SPTSSA: variants seen among roughly 807,000 people sequenced by gnomAD.
SPTSSA encodes small subunit of serine palmitoyltransferase A.
In SPTSSA, 8 loss-of-function variants were observed where a neutral mutation model predicts 9.1. That is an observed-to-expected ratio of 0.88 (90% CI 0.51 to 1.58). SPTSSA has a LOEUF of 1.58. Among genes scored for constraint, SPTSSA ranks in the 40% most tolerant of loss-of-function variants. SPTSSA has a pLI of 0.00. For synonymous variants in SPTSSA, 42 were observed against 37.7 expected (o/e 1.11, Z -0.41); for missense variants, 100 against 93.8 (o/e 1.07, Z -0.27).
chr14:34,443,604 T>C (rs1255993173), intron 1 of SPTSSA, among the ~76,000 whole-genome samples: 7 of 147,786 alleles, frequency 4.7e-5, no homozygotes, highest in South Asian at 2.2e-4. Flanking sequence ...GGCACAGTCT[T>C]AGCTCACTGC....
intron 1 of SPTSSA, among the ~76,000 whole-genome samples, chr14:34,435,644 T>TTTG (rs1883230244): frequency 6.7e-6 from 1 of 148,558 alleles, no homozygotes; most frequent in Non-Finnish European, 1.5e-5. Context: ...TTTTTTTTTT[T>TTTG]TGAGACAGAG....
chr14:34,439,258 G>A (rs1883283859), intron 1 of SPTSSA, among the ~76,000 whole-genome samples: 1 of 152,098 alleles, frequency 6.6e-6, no homozygotes, highest in South Asian at 2.1e-4. Context: ...AGGCTGCTTG[G>A]CAGAGGACAA....
chr14:34,448,298 C>A (rs72673421), intron 1 of SPTSSA, among the ~76,000 whole-genome samples: 313 of 152,032 alleles, frequency 2.1e-3, no homozygotes, highest in Non-Finnish European at 3.4e-3. Context: ...CAGAGCAGGG[C>A]GAGAGTTCCA....
chr14:34,443,679 G>GCA lies in SPTSSA; in HGVS notation c.113-8376_113-8375insTG, dbSNP rs1491351466. Among the ~76,000 whole-genome samples, 6 of 152,074 alleles carry GCA rather than the reference G, an allele frequency of 3.9e-5. No homozygotes were observed. The East Asian group carries it at 5.8e-4, about 15-fold the overall frequency. ...GCCCCCCAAGTAGCTGGGATTACAGGTGCCCGCCACCACACCCAGGTAATT... is the reference window on the plus strand; with the variant it reads ...GCCCCCCAAGTAGCTGGGATTACAGGCATGCCCGCCACCACACCCAGGTAATT... On this transcript the variant is annotated intron_variant, in intron 1 of 1. Transcript: ENST00000298130.
Position 34,433,215 on chromosome 14 carries a change from A to C in SPTSSA, c.*1986T>G, listed in dbSNP as rs898292027. On this transcript the variant is annotated 3_prime_UTR_variant, in exon 2 of 2. Coordinates refer to ENST00000298130, the MANE Select transcript of SPTSSA (RefSeq NM_138288.4). Reference sequence around the variant, plus strand: ...TGTCTCACAGGTCAGTGTTCATAATAACCATCAGTTATACAACAGCAATTT... The same window carrying C: ...TGTCTCACAGGTCAGTGTTCATAATCACCATCAGTTATACAACAGCAATTT... The C allele has an allele frequency of 6.6e-6, 1 of 152,174 alleles. No individual in the cohort carries two copies. The highest frequency in any genetic ancestry group is 2.4e-5 in the African/African-American group (1 of 41,444). 9.4% of individuals were successfully genotyped at this position (152,174 alleles called of 1,614,324 possible). A position where few individuals can be genotyped will look rare whatever the true frequency, so the allele number is the denominator to read the frequency against.
rs1426535352 is a variant in SPTSSA at position 34,435,107 on chromosome 14, A to G, written c.*94T>C. On this transcript the variant is annotated 3_prime_UTR_variant, in exon 2 of 2. Coordinates refer to ENST00000298130, the MANE Select transcript of SPTSSA (RefSeq NM_138288.4). Reference sequence around the variant, plus strand: ...TCTTTATAAGGTTGGTTATGTTGACATCTAGAAGAGTTTCTTATCACATCT... The same window carrying G: ...TCTTTATAAGGTTGGTTATGTTGACGTCTAGAAGAGTTTCTTATCACATCT... 2.7e-5 allele frequency: 24 copies of G among 889,802 alleles called. No homozygotes were observed. The highest frequency in any genetic ancestry group is 4.0e-5 in the Non-Finnish European group (23 of 572,902). 55.1% of individuals were successfully genotyped at this position (889,802 alleles called of 1,614,324 possible).
chr14:34,458,078 G>C (rs1269460618), intron 1 of SPTSSA, among the ~76,000 whole-genome samples: 1 of 151,802 alleles, frequency 6.6e-6, no homozygotes, highest in African/African-American at 2.4e-5. Flanking sequence ...ACTGTTTCAA[G>C]AACTATTCAC....
At chr14:34,449,419 C>G (rs1369683505) in intron 1 of SPTSSA, among the ~76,000 whole-genome samples, 1 of 151,748 alleles carries the variant, frequency 6.6e-6, no homozygotes, top group East Asian at 1.9e-4. Context: ...ATTTTAATTT[C>G]TAGATCACCT....
At chr14:34,451,169 ACT>A (rs1883513700) in intron 1 of SPTSSA, among the ~76,000 whole-genome samples, 1 of 152,108 alleles carries the variant, frequency 6.6e-6, no homozygotes, top group African/African-American at 2.4e-5. Flanking sequence ...CCAATCAGTA[ACT>A]CTAAACTATC....
rs1040643249 is a variant in SPTSSA at position 34,434,383 on chromosome 14, A to T, written c.*818T>A. ...CATTACAATCATTAAACTAAATTTA[A>T]GGAAGTACATTGTTAATAGTGACCC... is the stretch of plus-strand genomic sequence containing the variant. On this transcript the variant is annotated 3_prime_UTR_variant, in exon 2 of 2. Coordinates refer to ENST00000298130, the MANE Select transcript of SPTSSA (RefSeq NM_138288.4). The T allele has an allele frequency of 3.9e-5, 6 of 152,782 alleles. No homozygotes were observed. Among genetic ancestry groups the T allele is most frequent in the African/African-American group, 1.4e-4 (6 of 41,582 alleles). 9.5% of individuals were successfully genotyped at this position (152,782 alleles called of 1,614,324 possible).
chr14:34,448,516 G>C (rs1298409263), intron 1 of SPTSSA, among the ~76,000 whole-genome samples: 1 of 152,128 alleles, frequency 6.6e-6, no homozygotes, highest in Non-Finnish European at 1.5e-5. Context: ...AGAGGGTGTA[G>C]GCCAAGTAAA....
At chr14:34,447,492 A>C (rs1414014439) in intron 1 of SPTSSA, among the ~76,000 whole-genome samples, 1 of 152,180 alleles carries the variant, frequency 6.6e-6, no homozygotes, top group African/African-American at 2.4e-5. Flanking sequence ...CAAGAGCTGA[A>C]GGAAATGTGC....
Position 34,434,903 on chromosome 14 carries a change from T to G in SPTSSA, c.*298A>C, listed in dbSNP as rs768047135. On this transcript the variant is annotated 3_prime_UTR_variant, in exon 2 of 2. Transcript: ENST00000298130. ...TACTCAAAGTTACATTAAGAAAAGC[T>G]TTCACGGGGGTAATATTGAAACAGT... 4 of 190,594 alleles carry G rather than the reference T, an allele frequency of 2.1e-5. No individual in the cohort carries two copies. The highest frequency in any genetic ancestry group is 3.2e-5 in the Non-Finnish European group (3 of 93,262). The allele number at this position is 190,594 out of a possible 1,614,324, so 11.8% of individuals were successfully genotyped here. A position where few individuals can be genotyped will look rare whatever the true frequency, so the allele number is the denominator to read the frequency against.
chr14:34,443,507 G>A (rs1355127711), intron 1 of SPTSSA, among the ~76,000 whole-genome samples: 2 of 3,986 alleles, frequency 5.0e-4, no homozygotes, highest in African/African-American at 2.6e-3. Flanking sequence ...CTAGGGGAGG[G>A]TGTGTGTGTG....
chr14:34,436,531 A>G (rs747758383), intron 1 of SPTSSA, among the ~76,000 whole-genome samples: 25 of 152,124 alleles, frequency 1.6e-4, no homozygotes, highest in Non-Finnish European at 2.4e-4. Context: ...TCAGCTATAC[A>G]TACTATTATT....
At chr14:34,441,611 AT>A (rs989250951) in intron 1 of SPTSSA, among the ~76,000 whole-genome samples, 8 of 151,502 alleles carry the variant, frequency 5.3e-5, no homozygotes, top group African/African-American at 1.9e-4. Flanking sequence ...AAAGTTTGGG[AT>A]TTTTTTTTCT....
chr14:34,435,340 T>C (rs1366717303), intron 1 of SPTSSA, 36 bp from the exon 2 acceptor site: 1 of 1,490,100 alleles, frequency 6.7e-7, no homozygotes. Context: ...TATTATTAAT[T>C]TATTCAAAAC....
At chr14:34,438,899 C>T (rs191918857) in intron 1 of SPTSSA, among the ~76,000 whole-genome samples, 72 of 152,282 alleles carry the variant, frequency 4.7e-4, no homozygotes, top group Non-Finnish European at 8.4e-4. Context: ...TTTCCAATGT[C>T]TATAAGACAG....
chr14:34,451,717 CAAAAA>C (rs35096900), intron 1 of SPTSSA, among the ~76,000 whole-genome samples: 4 of 77,180 alleles, frequency 5.2e-5, no homozygotes, highest in Non-Finnish European at 8.4e-5. Context: ...GACTCTGTTT[CAAAAA>C]AAAAAAAAAA....
Sources: gnomAD v4.1 joint callset for allele counts (sites outside exome capture counted in the v4.1 genomes callset) on GRCh38, gnomAD v4.1.1 for gene constraint, MANE v1.5 for transcripts, NCBI Gene and HGNC (gene_info 2026-07-23, HGNC 2026-07-21) for gene names.